Variants in RBFOX1 observed in about 807,000 individuals in gnomAD.
RBFOX1 encodes the protein RNA binding protein fox-1 homolog 1.
Under a neutral mutation model 57.7 loss-of-function variants are expected in RBFOX1, and 8 were observed. The observed-to-expected ratio is 0.14, with a 90% CI of 0.08 to 0.25. The LOEUF is 0.25. RBFOX1 is among the 10% of genes least tolerant of loss of function. The probability of loss-of-function intolerance (pLI) is 1.00; values close to 1 mark genes in which losing one functional copy is unlikely to be tolerated. For synonymous variants in RBFOX1, 326 were observed against 222.4 expected (o/e 1.47, Z -4.15); for missense variants, 611 against 548.5 (o/e 1.11, Z -1.14).
chr16:5,633,292 C>G (rs557399776), intron 3 of RBFOX1, among the ~76,000 whole-genome samples: 1 of 152,084 alleles, frequency 6.6e-6, no homozygotes, highest in Non-Finnish European at 1.5e-5. Flanking sequence ...CACTCTTCTC[C>G]CTGGAACCAC....
chr16:6,986,251 A>G (rs948476010), intron 3 of RBFOX1, among the ~76,000 whole-genome samples: 1 of 149,638 alleles, frequency 6.7e-6, no homozygotes, highest in African/African-American at 2.5e-5. Flanking sequence ...CCCAGGCTGG[A>G]GTGCAATGGC....
intron 3 of RBFOX1, among the ~76,000 whole-genome samples, chr16:6,700,703 G>C (rs1240265300): frequency 1.3e-5 from 2 of 152,116 alleles, no homozygotes; most frequent in East Asian, 3.9e-4. Flanking sequence ...ACCATAAGTA[G>C]ATTCGTGAAA....
intron 4 of RBFOX1, among the ~76,000 whole-genome samples, chr16:7,427,810 C>A (rs1352828361): frequency 6.6e-6 from 1 of 151,910 alleles, no homozygotes; most frequent in Non-Finnish European, 1.5e-5. Flanking sequence ...TGTGCTACCA[C>A]GCCCAGTTAG....
intron 4 of RBFOX1, among the ~76,000 whole-genome samples, chr16:7,303,279 G>A (rs968956855): frequency 6.6e-6 from 1 of 152,220 alleles, no homozygotes; most frequent in Non-Finnish European, 1.5e-5. Flanking sequence ...TCTGCTGGGG[G>A]GCGCAGAAAC....
intron 3 of RBFOX1, among the ~76,000 whole-genome samples, chr16:6,980,114 G>C (rs2088298590): frequency 6.6e-6 from 1 of 152,148 alleles, no homozygotes; most frequent in Admixed American, 6.6e-5. Flanking sequence ...TCACAGCACA[G>C]GCTGGACGTA....
At chr16:5,513,792 G>A (rs535087997) in intron 2 of RBFOX1, among the ~76,000 whole-genome samples, 2 of 151,824 alleles carry the variant, frequency 1.3e-5, no homozygotes, top group Non-Finnish European at 2.9e-5. Context: ...TTTTTTTGAT[G>A]GATTTATTTT....
intron 10 of RBFOX1, among the ~76,000 whole-genome samples, chr16:7,617,733 C>A (rs914160957): frequency 9.9e-5 from 15 of 152,086 alleles, no homozygotes; most frequent in African/African-American, 3.4e-4. Flanking sequence ...CAAAACAGAC[C>A]CAGGCTTTCC....
intron 2 of RBFOX1, among the ~76,000 whole-genome samples, chr16:5,504,116 C>G (rs1027759830): frequency 6.6e-6 from 1 of 152,192 alleles, no homozygotes; most frequent in African/African-American, 2.4e-5. Flanking sequence ...ACTTGCCAAC[C>G]AGCCTCATTG....
intron 4 of RBFOX1, among the ~76,000 whole-genome samples, chr16:7,376,771 C>A (rs907109596): frequency 1.3e-5 from 2 of 152,140 alleles, no homozygotes; most frequent in African/African-American, 4.8e-5. Flanking sequence ...AACGTCAGTG[C>A]AGAAACTGAG....
intron 1 of RBFOX1, among the ~76,000 whole-genome samples, chr16:6,022,572 C>A (rs934049705): frequency 6.6e-6 from 1 of 152,066 alleles, no homozygotes; most frequent in Non-Finnish European, 1.5e-5. Context: ...ATCCCAGCTA[C>A]CCTGGAGGCT....
intron 4 of RBFOX1, among the ~76,000 whole-genome samples, chr16:7,295,791 A>C (rs1345615019): frequency 6.6e-6 from 1 of 152,162 alleles, no homozygotes; most frequent in East Asian, 1.9e-4. Flanking sequence ...GCCTTGAACG[A>C]GCAGGGCTGA....
intron 2 of RBFOX1, among the ~76,000 whole-genome samples, chr16:6,342,934 A>C (rs1025792592): frequency 3.3e-5 from 5 of 152,282 alleles, no homozygotes; most frequent in African/African-American, 1.2e-4. Context: ...AATACAGATC[A>C]TCTCCAAACT....
At chr16:6,472,122 C>T (rs1274111136) in intron 2 of RBFOX1, among the ~76,000 whole-genome samples, 1 of 152,176 alleles carries the variant, frequency 6.6e-6, no homozygotes, top group Admixed American at 6.5e-5. Flanking sequence ...CCCAGCCTAG[C>T]CCTTGAGCTT....
At chr16:5,489,541 C>G (rs898891149) in intron 2 of RBFOX1, among the ~76,000 whole-genome samples, 1 of 152,170 alleles carries the variant, frequency 6.6e-6, no homozygotes, top group African/African-American at 2.4e-5. Flanking sequence ...GACTTGGTTT[C>G]TTTGTCTGTA....
At chr16:7,253,419 C>T (rs1449591050) in intron 4 of RBFOX1, among the ~76,000 whole-genome samples, 1 of 152,180 alleles carries the variant, frequency 6.6e-6, no homozygotes, top group East Asian at 1.9e-4. Context: ...ACCCCTCAAC[C>T]TCTTCCTTGT....
At chr16:5,454,975 C>CT (rs1438207306) in intron 1 of RBFOX1, among the ~76,000 whole-genome samples, 1 of 84,032 alleles carries the variant, frequency 1.2e-5, no homozygotes, top group African/African-American at 4.3e-5. Flanking sequence ...TTCTTTCTTT[C>CT]TTTCTTTCTT....
intron 1 of RBFOX1, among the ~76,000 whole-genome samples, chr16:5,352,961 A>C (rs1037430240): frequency 6.6e-6 from 1 of 152,066 alleles, no homozygotes; most frequent in Non-Finnish European, 1.5e-5. Flanking sequence ...AAATATCCTT[A>C]CTTGATACAT....
chr16:6,802,333 C>T (rs1049098091), intron 3 of RBFOX1, among the ~76,000 whole-genome samples: 1 of 152,124 alleles, frequency 6.6e-6, no homozygotes, highest in East Asian at 1.9e-4. Flanking sequence ...CTGGGAATTT[C>T]ATTGCTTGGA....
intron 5 of RBFOX1, among the ~76,000 whole-genome samples, chr16:7,538,931 G>C (rs940120135): frequency 6.8e-6 from 1 of 146,886 alleles, no homozygotes; most frequent in South Asian, 2.2e-4. Context: ...TGGTCAATGA[G>C]ACTTTCATAT....
Sources: gnomAD v4.1 joint callset for allele counts (sites outside exome capture counted in the v4.1 genomes callset) on GRCh38, gnomAD v4.1.1 for gene constraint, MANE v1.5 for transcripts, NCBI Gene and HGNC (gene_info 2026-07-23, HGNC 2026-07-21) for gene names.